Variants in CCDC7 observed in about 807,000 individuals in gnomAD.
CCDC7 encodes the protein coiled-coil domain containing 7.
In CCDC7, 183 loss-of-function variants were observed where a neutral mutation model predicts 196.9. The ratio of observed to expected loss-of-function variants is 0.93; its 90% CI spans 0.82 to 1.05. CCDC7 has a LOEUF of 1.05. Ranked by LOEUF, CCDC7 falls within the 50% of genes least tolerant of loss-of-function variation. CCDC7 has a pLI of 0.00. For missense variants in CCDC7, 1,540 were observed against 1,482.2 expected (o/e 1.04, Z -0.64); for synonymous variants, 525 against 484.6 (o/e 1.08, Z -1.10).
At chr10:32,611,081 T>C (rs2062075265) in intron 18 of CCDC7, among the ~76,000 whole-genome samples, 1 of 152,136 alleles carries the variant, frequency 6.6e-6, no homozygotes, top group South Asian at 2.1e-4. Context: ...CTCTCCAGCA[T>C]TTGTTGTTTC....
At chr10:32,535,923 G>A (rs1482355027) in intron 11 of CCDC7, among the ~76,000 whole-genome samples, 3 of 152,152 alleles carry the variant, frequency 2.0e-5, no homozygotes, top group Non-Finnish European at 4.4e-5. Context: ...GTGATGTGAT[G>A]CCAGAGTCAG....
chr10:32,679,898 GTAGA>G (rs1185761280), intron 21 of CCDC7, among the ~76,000 whole-genome samples: 1 of 152,178 alleles, frequency 6.6e-6, no homozygotes, highest in Non-Finnish European at 1.5e-5. Context: ...TCATCTCTAT[GTAGA>G]TAGATACTGA....
At chr10:32,856,017 G>A (rs2093739791) in intron 41 of CCDC7, among the ~76,000 whole-genome samples, 1 of 152,080 alleles carries the variant, frequency 6.6e-6, no homozygotes, top group Non-Finnish European at 1.5e-5. Context: ...GAGAAAACTA[G>A]ATATCCACAT....
intron 28 of CCDC7, among the ~76,000 whole-genome samples, chr10:32,756,473 CA>C (rs1376464149): frequency 6.6e-6 from 1 of 152,080 alleles, no homozygotes; most frequent in South Asian, 2.1e-4. Context: ...AAAGAATTTT[CA>C]ACCCAGAATT....
chr10:32,856,098 A>C (rs1451265384), intron 41 of CCDC7, among the ~76,000 whole-genome samples: 1 of 152,190 alleles, frequency 6.6e-6, no homozygotes, highest in Non-Finnish European at 1.5e-5. Flanking sequence ...GAAAACCTAA[A>C]ACTAAGAGCT....
intron 20 of CCDC7, among the ~76,000 whole-genome samples, chr10:32,648,007 A>G (rs2068074959): frequency 6.6e-6 from 1 of 152,212 alleles, no homozygotes; most frequent in African/African-American, 2.4e-5. Flanking sequence ...TACTCATATA[A>G]GGTGATAGAT....
At chr10:32,707,877 G>T (rs532080325) in intron 24 of CCDC7, among the ~76,000 whole-genome samples, 1 of 152,108 alleles carries the variant, frequency 6.6e-6, no homozygotes, top group Non-Finnish European at 1.5e-5. Flanking sequence ...AATCAATATC[G>T]TGAAAATGGC....
At chr10:32,550,792 C>G (rs187254559) in intron 13 of CCDC7, among the ~76,000 whole-genome samples, 2 of 152,150 alleles carry the variant, frequency 1.3e-5, no homozygotes, top group Non-Finnish European at 2.9e-5. Context: ...TTGTTGGATT[C>G]AGTTAGCTAG....
chr10:32,814,294 G>C, intron 30 of CCDC7, 76 bp from the exon 32 acceptor site: 1 of 1,004,868 alleles, frequency 1.0e-6, no homozygotes, highest in Non-Finnish European at 1.6e-6. Flanking sequence ...ACACATATAT[G>C]TACATGCACT....
At chr10:32,730,133 C>T (rs930907707) in intron 28 of CCDC7, among the ~76,000 whole-genome samples, 2 of 152,084 alleles carry the variant, frequency 1.3e-5, no homozygotes, top group East Asian at 3.9e-4. Flanking sequence ...GCTGTTCTTC[C>T]TGATGCTGCC....
chr10:32,785,797 CAT>C (rs2081767714), intron 29 of CCDC7, among the ~76,000 whole-genome samples: 1 of 152,144 alleles, frequency 6.6e-6, no homozygotes, highest in African/African-American at 2.4e-5. Flanking sequence ...CTTTATGAGT[CAT>C]AGTTTGGTCT....
chr10:32,642,742 C>T (rs968260610), intron 20 of CCDC7, among the ~76,000 whole-genome samples: 7 of 152,184 alleles, frequency 4.6e-5, no homozygotes, highest in East Asian at 1.9e-4. Context: ...CCGTCTTCTG[C>T]GTCACTCACA....
intron 13 of CCDC7, among the ~76,000 whole-genome samples, chr10:32,559,379 T>TGCCTGAC (rs1427279434): frequency 1.3e-5 from 2 of 152,202 alleles, no homozygotes; most frequent in Admixed American, 1.3e-4. Context: ...CTCAAGTGGG[T>TGCCTGAC]GCCTGACCCC....
intron 28 of CCDC7, among the ~76,000 whole-genome samples, chr10:32,731,365 T>C (rs1437863807): frequency 6.6e-6 from 1 of 152,212 alleles, no homozygotes; most frequent in East Asian, 1.9e-4. Flanking sequence ...TCCTAGAATA[T>C]GTAAAATATG....
intron 9 of CCDC7, among the ~76,000 whole-genome samples, chr10:32,510,218 C>T (rs186933993): frequency 9.2e-5 from 14 of 152,212 alleles, no homozygotes; most frequent in Admixed American, 4.6e-4. Flanking sequence ...TTTGTGACAA[C>T]ATGGATGGAC....
At chr10:32,446,745 G>A (rs2031194103), upstream of CCDC7, 1 of 152,158 alleles carries the variant, frequency 6.6e-6, no homozygotes, top group African/African-American at 2.4e-5. Context: ...TGTTAGGAGG[G>A]ATAAATGAAT....
At chr10:32,808,924 C>T (rs1416792787) in intron 30 of CCDC7, among the ~76,000 whole-genome samples, 1 of 152,134 alleles carries the variant, frequency 6.6e-6, no homozygotes, top group Non-Finnish European at 1.5e-5. Flanking sequence ...GCCTATACCC[C>T]AGCACTTTGG....
chr10:32,532,922 A>G (rs868731216), intron 11 of CCDC7, among the ~76,000 whole-genome samples: 5 of 151,868 alleles, frequency 3.3e-5, no homozygotes, highest in African/African-American at 4.8e-5. Context: ...CAGCCACTCT[A>G]TGGGTTTTAA....
At chr10:32,714,127 A>G (rs1016914591) in intron 25 of CCDC7, among the ~76,000 whole-genome samples, 2 of 152,180 alleles carry the variant, frequency 1.3e-5, no homozygotes, top group African/African-American at 2.4e-5. Context: ...CCAAATAGGA[A>G]CAGCTCCAGT....
Sources: allele counts gnomAD v4.1 joint callset (sites outside exome capture counted in the v4.1 genomes callset), GRCh38; gene constraint gnomAD v4.1.1; transcripts MANE v1.5; gene names NCBI Gene and HGNC (gene_info 2026-07-23, HGNC 2026-07-21).